PRKG1: variants seen among roughly 807,000 people sequenced by gnomAD.
PRKG1 encodes protein kinase cGMP-dependent 1, also known as cGMP-dependent protein kinase 1.
Under a neutral mutation model 88.1 loss-of-function variants are expected in PRKG1, and 35 were observed. The observed-to-expected ratio is 0.40, with a 90% CI of 0.30 to 0.53. The LOEUF is 0.53. Among genes scored for constraint, PRKG1 ranks in the 20% least tolerant of loss-of-function variants. The pLI is 0.59. For synonymous variants in PRKG1, 303 were observed against 292.5 expected, an observed-to-expected ratio of 1.04 and a Z score of -0.37; for missense variants, 540 against 839.8, an observed-to-expected ratio of 0.64 and a Z score of 4.41.
At chr10:51,090,423 G>A (rs962452071) in intron 1 of PRKG1, among the ~76,000 whole-genome samples, 2 of 152,102 alleles carry the variant, frequency 1.3e-5, no homozygotes, top group Non-Finnish European at 2.9e-5. Context: ...CAATTTCTGT[G>A]TGGGATAACT....
At chr10:51,003,298 A>G (rs1842908626) in intron 1 of PRKG1, among the ~76,000 whole-genome samples, 1 of 152,216 alleles carries the variant, frequency 6.6e-6, no homozygotes, top group Non-Finnish European at 1.5e-5. Context: ...TTTGTTATCT[A>G]GGCCAAGACA....
intron 3 of PRKG1, among the ~76,000 whole-genome samples, chr10:51,473,114 T>A (rs1029664904): frequency 6.6e-6 from 1 of 152,042 alleles, no homozygotes; most frequent in East Asian, 1.9e-4. Context: ...TAGACAATAT[T>A]CTTCTTAGTA....
At chr10:52,206,988 G>A (rs1839836578) in intron 9 of PRKG1, among the ~76,000 whole-genome samples, 1 of 152,216 alleles carries the variant, frequency 6.6e-6, no homozygotes, top group Non-Finnish European at 1.5e-5. Context: ...GTCCATGTGT[G>A]CATTTGCACA....
At chr10:51,026,955 A>C (rs1030988619) in intron 1 of PRKG1, among the ~76,000 whole-genome samples, 12 of 152,234 alleles carry the variant, frequency 7.9e-5, no homozygotes, top group African/African-American at 2.9e-4. Context: ...ATTTCACTAA[A>C]GCAGGGCTGG....
chr10:51,043,238 A>G (rs917636104), intron 1 of PRKG1, among the ~76,000 whole-genome samples: 3 of 152,148 alleles, frequency 2.0e-5, no homozygotes, highest in Admixed American at 6.5e-5. Context: ...TCAGCCACCA[A>G]TACTCCCAGC....
At chr10:51,067,997 G>C (rs1005408976) in intron 1 of PRKG1, among the ~76,000 whole-genome samples, 1 of 152,026 alleles carries the variant, frequency 6.6e-6, no homozygotes, top group Non-Finnish European at 1.5e-5. Flanking sequence ...ACCTACATTA[G>C]GCAAGGCCAA....
intron 2 of PRKG1, among the ~76,000 whole-genome samples, chr10:51,224,077 A>C (rs1189846103): frequency 6.6e-6 from 1 of 152,214 alleles, no homozygotes. Flanking sequence ...TGGAGTGGGA[A>C]AATAGGAAAA....
At chr10:51,793,886 C>A (rs901086370) in intron 3 of PRKG1, among the ~76,000 whole-genome samples, 6 of 152,056 alleles carry the variant, frequency 3.9e-5, no homozygotes, top group African/African-American at 1.2e-4. Context: ...CTCAGCCTCC[C>A]AAGCAGGTGG....
At chr10:51,574,595 CTT>C (rs1023326753) in intron 3 of PRKG1, among the ~76,000 whole-genome samples, 1 of 151,968 alleles carries the variant, frequency 6.6e-6, no homozygotes, top group Admixed American at 6.6e-5. Flanking sequence ...CTCATTACCT[CTT>C]TTCGCAGTGT....
chr10:51,996,873 A>G (rs545781493), intron 5 of PRKG1, among the ~76,000 whole-genome samples: 2 of 152,332 alleles, frequency 1.3e-5, no homozygotes, highest in East Asian at 3.9e-4. Context: ...GCCAAGATAT[A>G]GAATCAACCT....
intron 1 of PRKG1, among the ~76,000 whole-genome samples, chr10:51,041,267 C>G (rs1300057347): frequency 6.6e-6 from 1 of 152,176 alleles, no homozygotes; most frequent in African/African-American, 2.4e-5. Flanking sequence ...CATTCAGAAG[C>G]CAAAGCCTGG....
intron 3 of PRKG1, among the ~76,000 whole-genome samples, chr10:51,577,222 C>A (rs1349373671): frequency 6.6e-6 from 1 of 151,784 alleles, no homozygotes; most frequent in Non-Finnish European, 1.5e-5. Context: ...CAATATATTC[C>A]AAATGTGTTA....
intron 2 of PRKG1, among the ~76,000 whole-genome samples, chr10:51,332,302 C>A (rs568746226): frequency 6.6e-6 from 1 of 152,226 alleles, no homozygotes; most frequent in African/African-American, 2.4e-5. Context: ...AAAGTGCATG[C>A]AGTGGTGTTC....
At chr10:51,529,106 A>C (rs970225184) in intron 3 of PRKG1, among the ~76,000 whole-genome samples, 1 of 152,124 alleles carries the variant, frequency 6.6e-6, no homozygotes, top group African/African-American at 2.4e-5. Context: ...CTTCTATCTC[A>C]GTAGATGGCA....
At position 52,292,504 on chromosome 10, in the gene PRKG1, A is replaced by G. The variant is rs1158080091; in HGVS notation, c.1963-1298A>G. The stretch of plus-strand genomic sequence containing the variant: ...ATGGCTAGCCAGTTTTCCCAGCACC[A>G]TTTATTAAATAGGGAATCGTTTCCC... On this transcript the variant is annotated intron_variant, in intron 17 of 17. Coordinates refer to ENST00000373980, the MANE Select transcript of PRKG1 (RefSeq NM_006258.4). 5.3e-5 allele frequency among the ~76,000 whole-genome samples: 8 copies of G among 152,054 alleles called. No individual in the cohort carries two copies. The East Asian group carries it at 1.4e-3, about 26-fold the overall frequency.
intron 3 of PRKG1, among the ~76,000 whole-genome samples, chr10:51,802,502 G>A (rs753117355): frequency 6.6e-6 from 1 of 152,146 alleles, no homozygotes. Flanking sequence ...ATATTTTGAT[G>A]GGCATCAGAT....
At chr10:51,603,184 C>A (rs1382676552) in intron 3 of PRKG1, among the ~76,000 whole-genome samples, 1 of 152,118 alleles carries the variant, frequency 6.6e-6, no homozygotes, top group Admixed American at 6.6e-5. Flanking sequence ...TCTCGACCTC[C>A]TGACCTCAAG....
intron 5 of PRKG1, among the ~76,000 whole-genome samples, chr10:52,044,250 A>G (rs1294063807): frequency 1.3e-5 from 2 of 152,142 alleles, no homozygotes; most frequent in African/African-American, 2.4e-5. Flanking sequence ...AAATGTAATT[A>G]TAAGTGATTG....
At chr10:51,801,530 G>A (rs1457132866) in intron 3 of PRKG1, among the ~76,000 whole-genome samples, 3 of 152,108 alleles carry the variant, frequency 2.0e-5, no homozygotes, top group Non-Finnish European at 4.4e-5. Flanking sequence ...TCTAGCACCA[G>A]TGTTTGCCAT....
Sources: allele counts gnomAD v4.1 joint callset (sites outside exome capture counted in the v4.1 genomes callset), GRCh38; gene constraint gnomAD v4.1.1; transcripts MANE v1.5; gene names NCBI Gene and HGNC (gene_info 2026-07-23, HGNC 2026-07-21).